Variants in EML5 observed in about 807,000 individuals in gnomAD.
EML5 encodes EMAP like 5.
A neutral mutation model predicts 250.0 loss-of-function variants in EML5; 120 were observed. The observed-to-expected ratio is 0.48, with a 90% CI of 0.41 to 0.56. The LOEUF is 0.56. EML5 is among the 20% of genes least tolerant of loss of function. The pLI, the probability that EML5 is intolerant of heterozygous loss-of-function variation, is 0.00. For synonymous variants in EML5, 771 were observed against 806.5 expected, an observed-to-expected ratio of 0.96 and a Z score of 0.75; for missense variants, 2,006 against 2,437.6, an observed-to-expected ratio of 0.82 and a Z score of 3.73.
At chr14:88,783,452 C>T (rs1391942301) in intron 1 of EML5, among the ~76,000 whole-genome samples, 1 of 152,086 alleles carries the variant, frequency 6.6e-6, no homozygotes, top group Admixed American at 6.5e-5. Context: ...AATACACACA[C>T]GGACTGAAAA....
rs1822322133 is a variant in EML5 at position 88,618,700 on chromosome 14, G to C, written c.5488C>G (p.Pro1830Ala). 6.2e-7 allele frequency: 1 copy of C among 1,612,096 alleles called. No homozygotes were observed. The highest frequency in any genetic ancestry group is 2.2e-5 in the East Asian group (1 of 44,844). Residue 1830 changes from proline (P) to alanine (A), a missense_variant, in exon 40 of 44, where the codon CCA becomes GCA. Around this residue, in one of 7 missense-constraint regions of EML5, gnomAD observed 405 missense variants for 523.3 expected, o/e 0.77. Transcript: ENST00000554922. ...LNRISYCKDI[P>A]SFVIQMDFSA... Reference sequence around the variant, plus strand: ...AAGTCCATTTGAATGACAAAGCTTGGAATGTCTTTGCAGTAGCTGATTCTG... The same window carrying C: ...AAGTCCATTTGAATGACAAAGCTTGCAATGTCTTTGCAGTAGCTGATTCTG...
At chr14:88,781,585 T>G (rs1231127458) in intron 1 of EML5, among the ~76,000 whole-genome samples, 1 of 152,190 alleles carries the variant, frequency 6.6e-6, no homozygotes, top group African/African-American at 2.4e-5. Context: ...TCACCTTGAT[T>G]TGTAGTTCTC....
chr14:88,755,503 A>G (rs1361428182), intron 1 of EML5, among the ~76,000 whole-genome samples: 2 of 152,236 alleles, frequency 1.3e-5, no homozygotes, highest in African/African-American at 4.8e-5. Flanking sequence ...ATGAGTCTCT[A>G]AAAACAAGAC....
At chr14:88,779,690 AC>A (rs1326104251) in intron 1 of EML5, among the ~76,000 whole-genome samples, 1 of 152,188 alleles carries the variant, frequency 6.6e-6, no homozygotes, top group African/African-American at 2.4e-5. Context: ...CTAGGCGCAA[AC>A]CAGGATCAGC....
chr14:88,622,582 A>T, intron 37 of EML5, 22 bp downstream of exon 37: 1 of 1,564,228 alleles, frequency 6.4e-7, no homozygotes, highest in Non-Finnish European at 8.7e-7. Context: ...GCTGCACTGT[A>T]TCAGCTCATG....
intron 10 of EML5, among the ~76,000 whole-genome samples, chr14:88,711,350 G>A (rs891908289): frequency 1.0e-5 from 1 of 98,228 alleles, no homozygotes; most frequent in Non-Finnish European, 1.9e-5. Flanking sequence ...GAGTTCTCAC[G>A]AGATCTGATG....
rs2094311723 is a variant in EML5 at position 88,765,720 on chromosome 14, C to T, written c.198-11049G>A. Among the ~76,000 whole-genome samples, 3 of 152,174 alleles carry T rather than the reference C, an allele frequency of 2.0e-5. 1 individual carries two copies. The highest frequency in any genetic ancestry group is 2.0e-4 in the Admixed American group (3 of 15,270). ...ATATCTTTGGGGCCAGTCTGGCTAC[C>T]ATGCAGACTCAGAAATTGAGTCCCC... is the stretch of plus-strand genomic sequence containing the variant. On this transcript the variant is annotated intron_variant, in intron 1 of 43. Transcript: ENST00000554922.
chr14:88,786,075 T>C (rs1471376237), intron 1 of EML5, among the ~76,000 whole-genome samples: 1 of 152,172 alleles, frequency 6.6e-6, no homozygotes, highest in Non-Finnish European at 1.5e-5. Flanking sequence ...AATACTGGCA[T>C]TCTGCTTCAG....
chr14:88,627,257 T>C, intron 34 of EML5: 2 of 580,250 alleles, frequency 3.4e-6, no homozygotes, highest in South Asian at 4.4e-5. Flanking sequence ...TTTCTTTATA[T>C]AACGTAAATG....
At chr14:88,720,016 G>A (rs2093565694) in intron 8 of EML5, among the ~76,000 whole-genome samples, 1 of 152,078 alleles carries the variant, frequency 6.6e-6, no homozygotes, top group Non-Finnish European at 1.5e-5. Flanking sequence ...ACACTTCTAT[G>A]CATATAAACC....
At chr14:88,744,265 A>G (rs1460956549) in intron 3 of EML5, among the ~76,000 whole-genome samples, 174 bp from the exon 4 acceptor site, 4 of 152,092 alleles carry the variant, frequency 2.6e-5, no homozygotes, top group African/African-American at 9.7e-5. Flanking sequence ...TTTGAAAATG[A>G]TAAGAAATAA....
intron 27 of EML5, among the ~76,000 whole-genome samples, chr14:88,652,201 A>G (rs2091660935): frequency 6.6e-6 from 1 of 152,254 alleles, no homozygotes; most frequent in East Asian, 1.9e-4. Flanking sequence ...ATACATAATG[A>G]AAAACTGGAT....
rs191566985 is a variant in EML5, at chr14:88,647,296, G to A, written c.4020-341C>T. ...GGAGAACTGCTTGAACCCAGGAAAC[G>A]GAGGTTGCAGTGAGCCAAGACTGCA... On this transcript the variant is annotated intron_variant, in intron 28 of 43. Coordinates refer to ENST00000554922, the MANE Select transcript of EML5 (RefSeq NM_183387.3). 3.1e-3 allele frequency among the ~76,000 whole-genome samples: 464 copies of A among 152,030 alleles called. 7 individuals carry two copies. Among genetic ancestry groups the A allele is most frequent in the African/African-American group, 0.011 (451 of 41,466 alleles).
chr14:88,789,886 A>G (rs1393188810), intron 1 of EML5, among the ~76,000 whole-genome samples: 1 of 152,254 alleles, frequency 6.6e-6, no homozygotes, highest in Non-Finnish European at 1.5e-5. Context: ...TAAGTTTTAC[A>G]TAAGTTTCAG....
intron 1 of EML5, among the ~76,000 whole-genome samples, chr14:88,771,023 A>G (rs960597048): frequency 2.0e-5 from 3 of 151,292 alleles, no homozygotes; most frequent in Non-Finnish European, 4.5e-5. Context: ...TAAATTTATC[A>G]TAACTATAAG....
intron 27 of EML5, among the ~76,000 whole-genome samples, chr14:88,651,713 ATAT>A (rs1050478077): frequency 1.9e-4 from 29 of 151,744 alleles, no homozygotes; most frequent in South Asian, 4.2e-4. Context: ...TATTTAAATA[ATAT>A]TATATTTTCA....
rs1196826193 is a variant in EML5 at position 88,792,332 on chromosome 14, G to A, written c.172C>T (p.Arg58Trp). ...CTGATGATGTCGTCGCTGTGGCCCC[G>A]GTAGAACTTCTGCCTGTGCTCCCGC... The part of the protein sequence containing the change: ...SPREHRQKFY[R>W]GHSDDIISLA... Residue 58 changes from arginine (R) to tryptophan (W), a missense_variant, in exon 1 of 44, where the codon CGG (arginine) becomes TGG (tryptophan). Physicochemically the swap from Arg to Trp is moderately radical, Grantham distance 101. Around this residue, in one of 7 missense-constraint regions of EML5, gnomAD observed 162 missense variants for 212.2 expected, o/e 0.76. Transcript: ENST00000554922. This position sits in a 1 kb window ranked among gnomAD's most constrained non-coding sequence, Gnocchi z 6.9. The A allele has an allele frequency of 1.9e-6, 3 of 1,564,164 alleles. No individual in the cohort carries two copies. Among genetic ancestry groups the A allele is most frequent in the Non-Finnish European group, 2.6e-6 (3 of 1,156,362 alleles).
intron 33 of EML5, among the ~76,000 whole-genome samples, chr14:88,632,257 T>C (rs966434409): frequency 9.2e-5 from 14 of 152,146 alleles, no homozygotes; most frequent in East Asian, 1.9e-4. Flanking sequence ...TCTCTCCACA[T>C]TCACTCCTGC....
intron 31 of EML5, among the ~76,000 whole-genome samples, chr14:88,639,412 T>A (rs943971084): frequency 6.6e-6 from 1 of 151,972 alleles, no homozygotes; most frequent in African/African-American, 2.4e-5. Context: ...GGGACTAGAG[T>A]TAGGGAGGAT....
Sources: gnomAD v4.1 joint callset for allele counts (sites outside exome capture counted in the v4.1 genomes callset) on GRCh38, gnomAD v4.1.1 for gene constraint, gnomAD v4.1.1 regional missense constraint, Gnocchi (gnomAD v3.1) non-coding constraint, MANE v1.5 for transcripts, NCBI Gene and HGNC (gene_info 2026-07-23, HGNC 2026-07-21) for gene names.